PCCA: variants seen among roughly 807,000 people sequenced by gnomAD.
PCCA encodes propionyl-CoA carboxylase subunit alpha.
Under a neutral mutation model 101.3 loss-of-function variants are expected in PCCA, and 74 were observed. The ratio of observed to expected loss-of-function variants is 0.73; its 90% CI spans 0.61 to 0.89. The LOEUF is 0.89. Ranked by LOEUF, PCCA falls within the 40% of genes least tolerant of loss-of-function variation. PCCA has a pLI of 0.00. For synonymous variants in PCCA, 294 were observed against 313.6 expected (o/e 0.94, Z 0.66); for missense variants, 891 against 907.0 (o/e 0.98, Z 0.23).
intron 18 of PCCA, among the ~76,000 whole-genome samples, chr13:100,341,968 T>TAC (rs1215827496): frequency 1.1e-4 from 12 of 110,168 alleles, no homozygotes; most frequent in Non-Finnish European, 9.8e-5. Context: ...TATATATATA[T>TAC]ATATATATAT....
intron 8 of PCCA, among the ~76,000 whole-genome samples, chr13:100,241,502 G>A (rs2061134207): frequency 6.6e-6 from 1 of 152,034 alleles, no homozygotes; most frequent in Non-Finnish European, 1.5e-5. Flanking sequence ...ATAGGGTCTC[G>A]CTCTTTTACC....
At chr13:100,422,067 T>C (rs9518071) in intron 19 of PCCA, among the ~76,000 whole-genome samples, 12,035 of 33,742 alleles carry the variant, frequency 0.36, 738 homozygotes, top group African/African-American at 0.47. Context: ...CTCTTCTCTT[T>C]TCTTTTCTTT....
At chr13:100,311,457 C>T (rs541756141) in intron 16 of PCCA, among the ~76,000 whole-genome samples, 1 of 152,066 alleles carries the variant, frequency 6.6e-6, no homozygotes, top group South Asian at 2.1e-4. Flanking sequence ...TCTTTCCTCA[C>T]ACTTAATAAA....
chr13:100,232,351 C>CGTGTGCTT lies in PCCA; in HGVS notation c.601-3486_601-3485insCTTGTGTG, dbSNP rs1555387984. The stretch of plus-strand genomic sequence containing the variant: ...TTATGTTTATGTGTGTGTGTGTATG[C>CGTGTGCTT]GTGTGTGTGTGTGTGTGTGTGTGTG... On this transcript the variant is annotated intron_variant, in intron 7 of 23. Transcript: ENST00000376285. Among the ~76,000 whole-genome samples the CGTGTGCTT allele has an allele frequency of 8.2e-4, 107 of 131,266 alleles. 1 individual carries two copies. The highest frequency in any genetic ancestry group is 1.3e-3 in the Non-Finnish European group (78 of 61,522). The allele number at this position is 131,266 out of a possible 152,430, so 86.1% of individuals were successfully genotyped here.
At chr13:100,332,662 C>G (rs2069809652) in intron 17 of PCCA, among the ~76,000 whole-genome samples, 1 of 152,084 alleles carries the variant, frequency 6.6e-6, no homozygotes, top group Non-Finnish European at 1.5e-5. Context: ...TAGAGAATAT[C>G]CCAAATTCTG....
At chr13:100,270,458 C>G (rs1445097037) in intron 11 of PCCA, among the ~76,000 whole-genome samples, 1 of 152,138 alleles carries the variant, frequency 6.6e-6, no homozygotes, top group Non-Finnish European at 1.5e-5. Context: ...TAAAAACCTA[C>G]TCAAGTGTTA....
chr13:100,363,517 C>T (rs1346916078), intron 18 of PCCA, among the ~76,000 whole-genome samples: 1 of 152,124 alleles, frequency 6.6e-6, no homozygotes, highest in African/African-American at 2.4e-5. Context: ...GAACTTGGTT[C>T]AGATGAATGG....
intron 6 of PCCA, among the ~76,000 whole-genome samples, chr13:100,174,250 T>C (rs1012828055): frequency 2.0e-5 from 3 of 151,972 alleles, no homozygotes; most frequent in Non-Finnish European, 2.9e-5. Flanking sequence ...GGACTAGAAC[T>C]CAGGTTATTT....
At chr13:100,145,883 C>G (rs1043011776) in intron 4 of PCCA, among the ~76,000 whole-genome samples, 1 of 149,752 alleles carries the variant, frequency 6.7e-6, no homozygotes, top group Admixed American at 6.6e-5. Flanking sequence ...AAAAGTTTAG[C>G]TATTACATAT....
intron 4 of PCCA, among the ~76,000 whole-genome samples, chr13:100,151,933 A>G (rs1488536604): frequency 6.6e-6 from 1 of 152,044 alleles, no homozygotes; most frequent in Non-Finnish European, 1.5e-5. Context: ...TGCAATATTA[A>G]GTCATTCTGC....
chr13:100,364,436 T>C (rs2074965005), intron 18 of PCCA, among the ~76,000 whole-genome samples: 1 of 152,278 alleles, frequency 6.6e-6, no homozygotes, highest in Admixed American at 6.5e-5. Context: ...ATTATAAATG[T>C]ATTTTCAGTG....
At chr13:100,134,395 A>G (rs2050891156) in intron 4 of PCCA, among the ~76,000 whole-genome samples, 1 of 152,102 alleles carries the variant, frequency 6.6e-6, no homozygotes, top group African/African-American at 2.4e-5. Flanking sequence ...TACATTTTAG[A>G]ATCAGCTTAT....
chr13:100,528,541 C>CA (rs1224570547), intron 23 of PCCA, among the ~76,000 whole-genome samples: 1 of 152,206 alleles, frequency 6.6e-6, no homozygotes, highest in East Asian at 1.9e-4. Context: ...ACCTCTGTCT[C>CA]ATGCTCTGTC....
intron 8 of PCCA, among the ~76,000 whole-genome samples, chr13:100,242,975 CA>C (rs1405364950): frequency 6.6e-6 from 1 of 152,186 alleles, no homozygotes; most frequent in African/African-American, 2.4e-5. Context: ...CAGCTCACTG[CA>C]ACCTCTGCCT....
At chr13:100,126,867 C>T (rs1309044073) in intron 4 of PCCA, among the ~76,000 whole-genome samples, 1 of 152,100 alleles carries the variant, frequency 6.6e-6, no homozygotes, top group Admixed American at 6.5e-5. Flanking sequence ...CATGTATTAA[C>T]TTAATTAAAG....
intron 6 of PCCA, among the ~76,000 whole-genome samples, chr13:100,180,434 A>C (rs1454498628): frequency 1.3e-5 from 2 of 152,088 alleles, no homozygotes; most frequent in Non-Finnish European, 2.9e-5. Flanking sequence ...TTAATCTAAT[A>C]CCAAGATCCA....
In PCCA at chr13:100,261,010, T is replaced by C. The variant is rs16957263; in HGVS notation, c.717-1719T>C. ...GATAGTTGTTTTTTATATTACTAGA[T>C]GGACCATTTGCAACTTAAAGGACTG... is the stretch of plus-strand genomic sequence containing the variant. On this transcript the variant is annotated intron_variant, in intron 9 of 23. Coordinates refer to ENST00000376285, the MANE Select transcript of PCCA (RefSeq NM_000282.4). Among the ~76,000 whole-genome samples the C allele has an allele frequency of 3.8e-3, 574 of 152,182 alleles. 7 individuals are homozygous for C. The highest frequency in any genetic ancestry group is 0.013 in the African/African-American group (523 of 41,540).
At chr13:100,386,126 A>G (rs2076486034) in intron 19 of PCCA, among the ~76,000 whole-genome samples, 1 of 152,226 alleles carries the variant, frequency 6.6e-6, no homozygotes, top group African/African-American at 2.4e-5. Context: ...AGCTCACTCC[A>G]AAAGTTTTGC....
chr13:100,333,710 T>C lies in PCCA; in HGVS notation c.1540+3039T>C, dbSNP rs574596041. On this transcript the variant is annotated intron_variant, in intron 17 of 23. Coordinates refer to ENST00000376285, the MANE Select transcript of PCCA (RefSeq NM_000282.4). ...TATTTCTCTGATACCTTCCTATACT[T>C]CAACCCCAAGCCCCATCGAAAGAAA... Among the ~76,000 whole-genome samples, 57 of 152,314 alleles carry C rather than the reference T, an allele frequency of 3.7e-4. 1 individual carries two copies. In the Middle Eastern group the frequency reaches 0.01, roughly 27 times the overall value.
Sources: gnomAD v4.1 joint callset for allele counts (sites outside exome capture counted in the v4.1 genomes callset) on GRCh38, gnomAD v4.1.1 for gene constraint, MANE v1.5 for transcripts, NCBI Gene and HGNC (gene_info 2026-07-23, HGNC 2026-07-21) for gene names.